LDHC: variants seen among roughly 807,000 people sequenced by gnomAD.
LDHC encodes the protein lactate dehydrogenase C.
In LDHC, 20 loss-of-function variants were observed where a neutral mutation model predicts 30.2. The ratio of observed to expected loss-of-function variants is 0.66; its 90% confidence interval spans 0.47 to 0.96. The LOEUF (loss-of-function observed/expected upper bound fraction) is 0.96. LDHC is among the 40% of genes least tolerant of loss of function. LDHC has a pLI of 0.00. For synonymous variants in LDHC, 139 were observed against 132.7 expected, an observed-to-expected ratio of 1.05 and a Z score of -0.32; for missense variants, 362 against 394.9, an observed-to-expected ratio of 0.92 and a Z score of 0.71.
chr11:18,436,316 C>T lies in LDHC; in HGVS notation c.592+1403C>T, dbSNP rs1006780865. ...TAGTATTCTATTTAGCATGATTTTT[C>T]GGTTTCCTTCCTCTTTTTCTGTTTT... is the stretch of plus-strand genomic sequence containing the variant. On this transcript the variant is annotated intron_variant, in intron 5 of 7. Transcript: ENST00000541669. Among the ~76,000 whole-genome samples, 22 of 151,798 alleles carry T rather than the reference C, an allele frequency of 1.4e-4. No individual in the cohort carries two copies. The South Asian group carries it at 3.5e-3, about 24-fold the overall frequency.
At chr11:18,415,368 A>T in intron 3 of LDHC, 67 bp downstream of exon 3, 1 of 769,572 alleles carries the variant, frequency 1.3e-6, no homozygotes, top group South Asian at 1.7e-5. Flanking sequence ...TACCAAACAG[A>T]TGTCAATAAA....
At chr11:18,435,165 AC>A (rs1403328277) in intron 5 of LDHC, among the ~76,000 whole-genome samples, 1 of 152,046 alleles carries the variant, frequency 6.6e-6, no homozygotes, top group Non-Finnish European at 1.5e-5. Flanking sequence ...TATCTGTAAT[AC>A]TTTTTTATTT....
chr11:18,415,247 G>A lies in LDHC; in HGVS notation c.190G>A (p.Asp64Asn), dbSNP rs551119181. 5 of 1,610,366 alleles carry A rather than the reference G, an allele frequency of 3.1e-6. No homozygotes were observed. Among genetic ancestry groups the A allele is most frequent in the Non-Finnish European group, 4.2e-6 (5 of 1,177,320 alleles). Residue 64 changes from aspartate to asparagine, a missense_variant, in exon 3 of 8, where the codon GAT becomes AAT. Coordinates refer to ENST00000541669, the MANE Select transcript of LDHC (RefSeq NM_017448.5). ...GGACAAACTGAAGGGAGAAATGATG[G>A]ATCTTCAGCATGGCAGTCTTTTCTT... ...ALDKLKGEMM[D>N]LQHGSLFFST... is the part of the protein sequence containing the mutation.
intron 5 of LDHC, 23 bp downstream of exon 5, chr11:18,434,936 T>C: frequency 6.6e-7 from 1 of 1,511,218 alleles, no homozygotes; most frequent in Non-Finnish European, 9.2e-7. Context: ...CTATTATTAT[T>C]ACGTGACTAC....
At chr11:18,449,021 G>A (rs934643576) in intron 7 of LDHC, among the ~76,000 whole-genome samples, 7 of 152,032 alleles carry the variant, frequency 4.6e-5, no homozygotes, top group African/African-American at 1.7e-4. Context: ...ATGAATTCTC[G>A]AATTCCAGTC....
chr11:18,442,141 G>A (rs1363629248), intron 6 of LDHC, among the ~76,000 whole-genome samples: 1 of 152,054 alleles, frequency 6.6e-6, no homozygotes, highest in African/African-American at 2.4e-5. Context: ...ATAGCCCTCA[G>A]GGTCTGCATA....
At chr11:18,444,040 G>A (rs1467975412) in intron 6 of LDHC, among the ~76,000 whole-genome samples, 4 of 152,118 alleles carry the variant, frequency 2.6e-5, no homozygotes, top group Non-Finnish European at 5.9e-5. Context: ...ATTTGCTGTT[G>A]TCTAACCACC....
intron 3 of LDHC, among the ~76,000 whole-genome samples, chr11:18,420,502 G>A (rs982593167): frequency 2.0e-5 from 3 of 152,010 alleles, no homozygotes; most frequent in African/African-American, 7.3e-5. Flanking sequence ...AATGTGCTGA[G>A]GGAGGAGTAA....
At chr11:18,413,021 C>G (rs1866926432) in intron 2 of LDHC, among the ~76,000 whole-genome samples, 178 bp downstream of exon 2, 1 of 130,644 alleles carries the variant, frequency 7.7e-6, no homozygotes, top group Non-Finnish European at 1.6e-5. Context: ...TTCTTTCTCT[C>G]TTTCTTTTCC....
In LDHC at chr11:18,434,611, C is replaced by A. The variant is rs574935482; in HGVS notation, c.419-129C>A. 29 of 604,140 alleles carry A rather than the reference C, an allele frequency of 4.8e-5. 1 individual carries two copies. The South Asian group carries it at 6.2e-4, about 13-fold the overall frequency. The allele number at this position is 604,140 out of a possible 1,614,324, so 37.4% of individuals were successfully genotyped here. A position where few individuals can be genotyped will look rare whatever the true frequency, so the allele number is the denominator to read the frequency against. ...AACAGGCGTGAGCCACCGCACCCAG[C>A]CAGTGATTTGCTTCACTTTGTAATA... On this transcript the variant is annotated intron_variant, in intron 4 of 7. Coordinates refer to ENST00000541669, the MANE Select transcript of LDHC (RefSeq NM_017448.5).
rs1848466994 is a variant in LDHC at position 18,441,558 on chromosome 11, G to T, written c.710+2913G>T. Among the ~76,000 whole-genome samples, 3 of 150,400 alleles carry T rather than the reference G, an allele frequency of 2.0e-5. No homozygotes were observed. In the South Asian group the frequency reaches 6.3e-4, roughly 32 times the overall value. ...TTGACCTCATGATCTGCCCACCTTG[G>T]CCTCCCAAAGTGCTGGGATTACAGG... On this transcript the variant is annotated intron_variant, in intron 6 of 7. Coordinates refer to ENST00000541669, the MANE Select transcript of LDHC (RefSeq NM_017448.5).
rs1866918259 is a variant in LDHC, at chr11:18,412,819, T to G, written c.102T>G (p.Ala34=). 6.2e-7 allele frequency: 1 copy of G among 1,613,820 alleles called. No individual in the cohort carries two copies. The highest frequency in any genetic ancestry group is 8.5e-7 in the Non-Finnish European group (1 of 1,179,888). Residue 34 remains alanine, a synonymous_variant, in exon 2 of 8, where the codon GCT becomes GCG. Coordinates refer to ENST00000541669, the MANE Select transcript of LDHC (RefSeq NM_017448.5). Reference sequence around the variant, plus strand: ...TTGGAACTGGTGCCGTAGGCATGGCTTGTGCTATTAGTATCTTACTGAAGG... The same window carrying G: ...TTGGAACTGGTGCCGTAGGCATGGCGTGTGCTATTAGTATCTTACTGAAGG... The part of the protein sequence containing the change: ...TIVGTGAVGM[A]CAISILLKDL...
In LDHC at chr11:18,412,600, C is replaced by A. The variant is rs77389005; in HGVS notation, c.-9-109C>A. On this transcript the variant is annotated intron_variant, in intron 1 of 7. Coordinates refer to ENST00000541669, the MANE Select transcript of LDHC (RefSeq NM_017448.5). ...CCCCGCATCCTTTGACCAGGAAATT[C>A]TTTCTTTGGCTTCCCCCCATCCCCG... The A allele has an allele frequency of 4.3e-3, 4,371 of 1,019,320 alleles. 119 individuals are homozygous for A. The African/African-American group carries it at 0.058, about 14-fold the overall frequency. 63.1% of individuals were successfully genotyped at this position (1,019,320 alleles called of 1,614,324 possible).
chr11:18,415,694 A>T (rs911416254), intron 3 of LDHC, among the ~76,000 whole-genome samples: 1 of 150,998 alleles, frequency 6.6e-6, no homozygotes, highest in Non-Finnish European at 1.5e-5. Flanking sequence ...GTTTATTTTT[A>T]TTTATTTATT....
intron 4 of LDHC, among the ~76,000 whole-genome samples, 168 bp from the exon 5 acceptor site, chr11:18,434,572 A>G (rs1410695592): frequency 1.3e-5 from 2 of 152,152 alleles, no homozygotes; most frequent in Non-Finnish European, 1.5e-5. Context: ...AAGCCTCCCA[A>G]AGTGCCAGGG....
At chr11:18,415,451 TGAGA>T in intron 3 of LDHC, 150 bp downstream of exon 3, 1 of 551,702 alleles carries the variant, frequency 1.8e-6, no homozygotes, top group South Asian at 2.5e-5. Flanking sequence ...TTTTGTTTTT[TGAGA>T]GAGTCTCACT....
At chr11:18,417,358 T>C (rs1867041930) in intron 3 of LDHC, among the ~76,000 whole-genome samples, 1 of 152,204 alleles carries the variant, frequency 6.6e-6, no homozygotes, top group Non-Finnish European at 1.5e-5. Context: ...AATTTAAAAG[T>C]GTTCATGAAG....
intron 3 of LDHC, among the ~76,000 whole-genome samples, chr11:18,426,674 T>G (rs527694303): frequency 1.4e-4 from 21 of 152,290 alleles, no homozygotes; most frequent in African/African-American, 5.1e-4. Flanking sequence ...TATGCTCTTA[T>G]AAGGACTTTT....
chr11:18,415,561 A>G (rs766094581), intron 3 of LDHC, among the ~76,000 whole-genome samples: 2 of 152,126 alleles, frequency 1.3e-5, no homozygotes, highest in Non-Finnish European at 2.9e-5. Context: ...TCTCCTGTGT[A>G]GCTGGGATTA....
Sources: gnomAD v4.1 joint callset for allele counts (sites outside exome capture counted in the v4.1 genomes callset) on GRCh38, gnomAD v4.1.1 for gene constraint, MANE v1.5 for transcripts, NCBI Gene and HGNC (gene_info 2026-07-23, HGNC 2026-07-21) for gene names.